MALRD1: variants seen among roughly 807,000 people sequenced by gnomAD.
MALRD1 encodes the protein MAM and LDL receptor class A domain containing 1.
A neutral mutation model predicts 242.1 loss-of-function variants in MALRD1; 247 were observed. That is an observed-to-expected ratio of 1.02 (90% CI 0.92 to 1.13). The LOEUF (loss-of-function observed/expected upper bound fraction) is 1.13. MALRD1 is among the 50% of genes most tolerant of loss of function. The pLI is 0.00. For synonymous variants in MALRD1, 995 were observed against 866.6 expected, an observed-to-expected ratio of 1.15 and a Z score of -2.60; for missense variants, 2,989 against 2,533.1, an observed-to-expected ratio of 1.18 and a Z score of -3.86.
At chr10:19,635,718 A>G (rs1840099080) in intron 36 of MALRD1, among the ~76,000 whole-genome samples, 1 of 152,286 alleles carries the variant, frequency 6.6e-6, no homozygotes, top group South Asian at 2.1e-4. Context: ...ATATCTGAGA[A>G]TATTTCATAT....
intron 26 of MALRD1, among the ~76,000 whole-genome samples, chr10:19,359,592 T>C (rs1208351767): frequency 6.6e-6 from 1 of 151,986 alleles, no homozygotes; most frequent in Non-Finnish European, 1.5e-5. Context: ...TGTGTAGTCA[T>C]GTTTTTGTCT....
chr10:19,719,166 A>C (rs1834572234), intron 38 of MALRD1, among the ~76,000 whole-genome samples: 1 of 90,770 alleles, frequency 1.1e-5, no homozygotes, highest in Non-Finnish European at 2.0e-5. Flanking sequence ...ATATATATAT[A>C]TATACATACA....
intron 1 of MALRD1, among the ~76,000 whole-genome samples, chr10:19,055,211 A>G (rs892716600): frequency 3.9e-5 from 6 of 152,176 alleles, no homozygotes; most frequent in South Asian, 2.1e-4. Context: ...TTTGAGTAAT[A>G]TCTGCTAAGG....
At chr10:19,671,102 G>C (rs1362881002) in intron 36 of MALRD1, among the ~76,000 whole-genome samples, 1 of 151,718 alleles carries the variant, frequency 6.6e-6, no homozygotes, top group African/African-American at 2.4e-5. Flanking sequence ...TGTTAGCCAG[G>C]ATAAGACAAT....
At chr10:19,148,784 A>ATATATATATATATATATATAT (rs1309198981) in intron 11 of MALRD1, among the ~76,000 whole-genome samples, 3 of 63,932 alleles carry the variant, frequency 4.7e-5, no homozygotes, top group African/African-American at 1.6e-4. Flanking sequence ...AAAAAAAAAA[A>ATATATATATATATATATATAT]AAAAATATAT....
chr10:19,172,015 A>G (rs1370608258), intron 13 of MALRD1, among the ~76,000 whole-genome samples: 2 of 12,094 alleles, frequency 1.7e-4, no homozygotes, highest in Non-Finnish European at 2.5e-4. Flanking sequence ...TATATGTGAT[A>G]TATATCATAT....
intron 36 of MALRD1, among the ~76,000 whole-genome samples, chr10:19,618,287 T>G (rs1371954491): frequency 3.3e-5 from 5 of 152,100 alleles, no homozygotes; most frequent in African/African-American, 1.2e-4. Flanking sequence ...AGTGCTGCAG[T>G]GAACATACGT....
rs543781126 is a variant in MALRD1 at position 19,626,189 on chromosome 10, G to A, written c.6137+10266G>A. 2.0e-5 allele frequency among the ~76,000 whole-genome samples: 3 copies of A among 152,064 alleles called. No homozygotes were observed. In the South Asian group the frequency reaches 6.2e-4, roughly 32 times the overall value. On this transcript the variant is annotated intron_variant, in intron 36 of 39. Coordinates refer to ENST00000454679, the MANE Select transcript of MALRD1 (RefSeq NM_001142308.3). ...ATAGGCATAAAAGTTGAATACGTTGGTGGACATAGGAGAAATCTAAAAGTC... is the reference window on the plus strand; with the variant it reads ...ATAGGCATAAAAGTTGAATACGTTGATGGACATAGGAGAAATCTAAAAGTC...
In MALRD1 at chr10:19,725,593, G is replaced by A. The variant is rs75291089; in HGVS notation, c.6315-5113G>A. 2.4e-3 allele frequency among the ~76,000 whole-genome samples: 364 copies of A among 152,214 alleles called. 10 individuals carry two copies. In the East Asian group the frequency reaches 0.052, roughly 22 times the overall value. ...AATTCCAACAGCCATTTTTGCAAAA[G>A]TGAAAAACCTCTTCTCAAATTTATA... On this transcript the variant is annotated intron_variant, in intron 38 of 39. Coordinates refer to ENST00000454679, the MANE Select transcript of MALRD1 (RefSeq NM_001142308.3).
At chr10:19,238,302 A>T (rs1838510043) in intron 18 of MALRD1, among the ~76,000 whole-genome samples, 1 of 80,304 alleles carries the variant, frequency 1.2e-5, no homozygotes, top group South Asian at 4.0e-4. Context: ...TATATTATAT[A>T]TAATATGTAA....
chr10:19,333,253 A>G (rs1843465981), intron 24 of MALRD1, among the ~76,000 whole-genome samples: 1 of 152,126 alleles, frequency 6.6e-6, no homozygotes. Context: ...TCAGCCAGAT[A>G]GTGAGCATAG....
intron 28 of MALRD1, among the ~76,000 whole-genome samples, chr10:19,435,829 T>C (rs528367505): frequency 6.6e-6 from 1 of 152,268 alleles, no homozygotes; most frequent in African/African-American, 2.4e-5. Context: ...ATGGTCCACC[T>C]CCGTAAGGGT....
intron 39 of MALRD1, among the ~76,000 whole-genome samples, chr10:19,733,448 T>A (rs1046947851): frequency 5.9e-5 from 9 of 152,162 alleles, no homozygotes; most frequent in African/African-American, 2.2e-4. Context: ...TTAACAAGAA[T>A]GTCTTGAGGC....
intron 18 of MALRD1, among the ~76,000 whole-genome samples, chr10:19,245,956 A>G (rs1046724779): frequency 6.6e-6 from 1 of 152,188 alleles, no homozygotes; most frequent in Non-Finnish European, 1.5e-5. Flanking sequence ...TTTAAATTTC[A>G]TTACAAAGAT....
At chr10:19,631,526 G>T (rs181356111) in intron 36 of MALRD1, among the ~76,000 whole-genome samples, 6 of 152,232 alleles carry the variant, frequency 3.9e-5, no homozygotes, top group Non-Finnish European at 5.9e-5. Context: ...GGGATTGCTG[G>T]ATCCAATGGT....
chr10:19,300,180 A>T (rs1841882270), intron 21 of MALRD1, among the ~76,000 whole-genome samples: 1 of 151,940 alleles, frequency 6.6e-6, no homozygotes, highest in Admixed American at 6.6e-5. Flanking sequence ...AAAGATCTTT[A>T]TAACAAGAAT....
intron 31 of MALRD1, among the ~76,000 whole-genome samples, chr10:19,517,951 T>C (rs909796793): frequency 2.6e-5 from 4 of 152,222 alleles, no homozygotes; most frequent in East Asian, 1.9e-4. Flanking sequence ...TTTTTGCAGA[T>C]ATGACTTATA....
intron 14 of MALRD1, among the ~76,000 whole-genome samples, chr10:19,194,456 G>A (rs909573077): frequency 1.3e-5 from 2 of 152,068 alleles, no homozygotes; most frequent in African/African-American, 4.8e-5. Context: ...TACTCAGGCA[G>A]CCTTGATTTC....
intron 28 of MALRD1, among the ~76,000 whole-genome samples, chr10:19,431,242 T>C (rs188983172): frequency 2.0e-5 from 3 of 152,354 alleles, no homozygotes; most frequent in Admixed American, 6.5e-5. Context: ...CTCTCTTCTG[T>C]TATAGACTTA....
Sources: allele counts gnomAD v4.1 joint callset (sites outside exome capture counted in the v4.1 genomes callset), GRCh38; gene constraint gnomAD v4.1.1; transcripts MANE v1.5; gene names NCBI Gene and HGNC (gene_info 2026-07-23, HGNC 2026-07-21).